The following QTGAL variants were observed in gnomAD, a reference collection of about 807,000 sequenced individuals.
The protein encoded by QTGAL is BGnT-like protein 1.
chr17:82,969,143 AAAAAAAG>A, the QTGAL span, among the ~76,000 whole-genome samples: 22 of 151,678 alleles, frequency 1.5e-4, no homozygotes, highest in African/African-American at 4.6e-4. Context: ...GGAAAAAAAA[AAAAAAAG>A]AAAAGAAAAT....
chr17:83,023,176 GCCCCACCT>G, the QTGAL span, among the ~76,000 whole-genome samples: 4 of 97,542 alleles, frequency 4.1e-5, no homozygotes, highest in Admixed American at 2.0e-4. Flanking sequence ...CACTGTCCCC[GCCCCACCT>G]GCACCAGCGT....
At chr17:83,033,228 C>T in the QTGAL span, among the ~76,000 whole-genome samples, 2 of 152,186 alleles carry the variant, frequency 1.3e-5, no homozygotes, top group Non-Finnish European at 1.5e-5. Context: ...TCTTTATAAA[C>T]ATCACAGTGA....
the QTGAL span, among the ~76,000 whole-genome samples, chr17:83,030,415 A>C: frequency 3.2e-4 from 48 of 152,356 alleles, no homozygotes; most frequent in Non-Finnish European, 5.7e-4. Flanking sequence ...GGCAAAGGGC[A>C]GCTGTAGAGG....
the QTGAL span, among the ~76,000 whole-genome samples, chr17:82,982,058 A>G: frequency 0.81 from 119,444 of 146,864 alleles, 48,669 homozygotes; most frequent in African/African-American, 0.91. Context: ...GTGATGGGCC[A>G]AGCGGGTGGA....
chr17:83,020,219 C>T, the QTGAL span, among the ~76,000 whole-genome samples: 7 of 151,818 alleles, frequency 4.6e-5, no homozygotes, highest in Non-Finnish European at 1.0e-4. Context: ...AAAACCAAAG[C>T]GATATAAAGT....
the QTGAL span, among the ~76,000 whole-genome samples, chr17:83,030,466 C>T: frequency 6.6e-6 from 1 of 152,194 alleles, no homozygotes; most frequent in Non-Finnish European, 1.5e-5. Context: ...AGGCCTTGGG[C>T]GTTGCAGGCT....
chr17:83,036,933 C>T, the QTGAL span, among the ~76,000 whole-genome samples: 7 of 152,154 alleles, frequency 4.6e-5, no homozygotes, highest in African/African-American at 9.6e-5. Flanking sequence ...AGCTCAGCTT[C>T]GATGCCAATG....
chr17:83,005,896 G>C, the QTGAL span: 16 of 1,365,904 alleles, frequency 1.2e-5, no homozygotes, highest in Non-Finnish European at 1.5e-5. The surrounding 1 kb of genome is among the most constrained non-coding windows in gnomAD (Gnocchi z 5.6). Flanking sequence ...CTGCCCCGGA[G>C]TGGGCTCCCA....
the QTGAL span, chr17:82,945,728 C>T: frequency 6.6e-6 from 1 of 152,230 alleles, no homozygotes; most frequent in East Asian, 1.9e-4. Context: ...AGCAGCATCC[C>T]CCTACCCAGC....
the QTGAL span, among the ~76,000 whole-genome samples, chr17:82,993,864 A>G: frequency 1.3e-5 from 2 of 152,160 alleles, no homozygotes; most frequent in Non-Finnish European, 2.9e-5. Context: ...AATTTTGGAA[A>G]CTATACAAAC....
chr17:82,983,104 A>T, the QTGAL span, among the ~76,000 whole-genome samples: 1 of 152,102 alleles, frequency 6.6e-6, no homozygotes, highest in Non-Finnish European at 1.5e-5. Flanking sequence ...AACATGCTGA[A>T]ACCTGGTCTC....
chr17:82,962,789 GC>G, the QTGAL span, among the ~76,000 whole-genome samples: 1 of 152,326 alleles, frequency 6.6e-6, no homozygotes, highest in Non-Finnish European at 1.5e-5. Flanking sequence ...CACCAGAAGA[GC>G]CCGACCCTTG....
chr17:82,954,886 A>G, the QTGAL span, among the ~76,000 whole-genome samples: 1 of 152,362 alleles, frequency 6.6e-6, no homozygotes, highest in Non-Finnish European at 1.5e-5. Flanking sequence ...TGGGGAAAGG[A>G]TTCCCTATTT....
the QTGAL span, among the ~76,000 whole-genome samples, chr17:83,025,660 CGG>C: frequency 1.3e-5 from 2 of 152,004 alleles, no homozygotes; most frequent in African/African-American, 4.8e-5. Flanking sequence ...AGTCCACACA[CGG>C]ACACCGCGGA....
the QTGAL span, among the ~76,000 whole-genome samples, chr17:83,000,348 G>A: frequency 6.6e-6 from 1 of 152,210 alleles, no homozygotes; most frequent in African/African-American, 2.4e-5. Context: ...AGCGTTTTAA[G>A]CACTCACAGC....
chr17:83,018,935 A>G, the QTGAL span, among the ~76,000 whole-genome samples: 15 of 152,202 alleles, frequency 9.9e-5, no homozygotes, highest in Non-Finnish European at 1.6e-4. Context: ...AGGGGCGGAC[A>G]TGGGAGTGGC....
At chr17:83,048,270 C>T in the QTGAL span, among the ~76,000 whole-genome samples, 3 of 152,126 alleles carry the variant, frequency 2.0e-5, no homozygotes, top group Non-Finnish European at 4.4e-5. Context: ...TCAAAGGATC[C>T]GCCTGCCTTG....
the QTGAL span, among the ~76,000 whole-genome samples, chr17:82,998,932 A>T: frequency 6.7e-6 from 1 of 150,140 alleles, no homozygotes; most frequent in African/African-American, 2.5e-5. Flanking sequence ...ACCACGAGAT[A>T]CCACTACATA....
At chr17:82,997,333 A>G in the QTGAL span, among the ~76,000 whole-genome samples, 1 of 152,150 alleles carries the variant, frequency 6.6e-6, no homozygotes, top group Non-Finnish European at 1.5e-5. Flanking sequence ...TAAAACATAC[A>G]ATTTTTCTCA....
Sources: gnomAD v4.1 joint callset for allele counts (sites outside exome capture counted in the v4.1 genomes callset) on GRCh38, gnomAD v4.1.1 for gene constraint, Gnocchi (gnomAD v3.1) non-coding constraint, MANE v1.5 for transcripts, NCBI Gene and HGNC (gene_info 2026-07-23, HGNC 2026-07-21) for gene names.